HPS3: variants seen among roughly 807,000 people sequenced by gnomAD.
HPS3 encodes BLOC-2 complex member HPS3.
In HPS3, 79 loss-of-function variants were observed where a neutral mutation model predicts 110.9. The observed-to-expected ratio is 0.71, with a 90% CI of 0.59 to 0.86. The LOEUF (loss-of-function observed/expected upper bound fraction) is 0.86. Among genes scored for constraint, HPS3 ranks in the 40% least tolerant of loss-of-function variants. The pLI is 0.00. For synonymous variants in HPS3, 428 were observed against 451.0 expected, an observed-to-expected ratio of 0.95 and a Z score of 0.65; for missense variants, 1,197 against 1,206.2, an observed-to-expected ratio of 0.99 and a Z score of 0.11.
intron 5 of HPS3, among the ~76,000 whole-genome samples, chr3:149,149,098 C>T (rs12488473): frequency 0.27 from 40,801 of 150,064 alleles, 6,147 homozygotes; most frequent in African/African-American, 0.42. Flanking sequence ...AGACTACAGG[C>T]GCCCACCACC....
In HPS3 at chr3:149,140,099, T is replaced by G. The variant is rs139678546; in HGVS notation, c.313T>G (p.Cys105Gly). Reference sequence around the variant, plus strand: ...TAAAAGGACTGAAAACTCTCGTGTGTGTATCCGAATGATTGGGCATAATGT... The same window carrying G: ...TAAAAGGACTGAAAACTCTCGTGTGGGTATCCGAATGATTGGGCATAATGT... Reference protein sequence around the residue: ...RNKRTENSRVCIRMIGHNVEG... With the variant: ...RNKRTENSRVGIRMIGHNVEG... The change falls in exon 2 of 17, where the codon TGT becomes GGT. Residue 105 changes from cysteine (C) to glycine (G), a missense_variant. By Grantham distance (159) the Cys-to-Gly change is radical. Coordinates refer to ENST00000296051, the MANE Select transcript of HPS3 (RefSeq NM_032383.5). The G allele has an allele frequency of 1.2e-5, 19 of 1,613,182 alleles. No individual in the cohort carries two copies. Among genetic ancestry groups the G allele is most frequent in the African/African-American group, 4.0e-5 (3 of 74,854 alleles).
At chr3:149,141,519 G>GTTTTTTTTTT in intron 4 of HPS3, 139 bp downstream of exon 4, 1 of 392,312 alleles carries the variant, frequency 2.5e-6, no homozygotes, top group South Asian at 2.9e-5. Context: ...CTTTAACAAA[G>GTTTTTTTTTT]TTTTTTTTTT....
intron 1 of HPS3, among the ~76,000 whole-genome samples, chr3:149,135,357 C>T (rs973701923): frequency 3.3e-5 from 5 of 152,092 alleles, no homozygotes; most frequent in African/African-American, 9.7e-5. Context: ...ATAACCCCCA[C>T]GTGTCAAGGG....
rs1723945036 is a variant in HPS3, at chr3:149,162,340, C to T, written c.2292+7C>T. ...AGCAGATTCCTTTTTTAAGGTTTGT[C>T]ACTTTGAAAATGTGATTTTTCTGGA... On this transcript the variant is annotated splice_region_variant and intron_variant, in intron 12 of 16. Transcript: ENST00000296051. The T allele has an allele frequency of 6.2e-7, 1 of 1,612,828 alleles. No individual in the cohort carries two copies. Among genetic ancestry groups the T allele is most frequent in the Non-Finnish European group, 8.5e-7 (1 of 1,179,096 alleles).
intron 6 of HPS3, among the ~76,000 whole-genome samples, chr3:149,152,828 G>C (rs925162437): frequency 2.0e-5 from 3 of 152,198 alleles, no homozygotes; most frequent in African/African-American, 7.2e-5. Context: ...CCAGAATAGA[G>C]CTCTTCCATT....
At chr3:149,130,356 A>C in intron 1 of HPS3, 1 of 189,540 alleles carries the variant, frequency 5.3e-6, no homozygotes, top group Non-Finnish European at 1.1e-5. Context: ...CAGCTTTAAC[A>C]ATTATTCCAA....
At chr3:149,153,769 G>A in intron 7 of HPS3, 121 bp downstream of exon 7, 1 of 998,312 alleles carries the variant, frequency 1.0e-6, no homozygotes, top group Admixed American at 1.9e-5. Flanking sequence ...TTTTTATGGT[G>A]GTCTTTTTCC....
intron 14 of HPS3, 44 bp downstream of exon 14, chr3:149,163,993 A>G (rs547880587): frequency 4.1e-6 from 4 of 977,216 alleles, no homozygotes; most frequent in Admixed American, 1.8e-5. Flanking sequence ...GCATATTACA[A>G]TATAGTGTAA....
intron 1 of HPS3, among the ~76,000 whole-genome samples, chr3:149,135,203 G>T (rs1722015868): frequency 6.6e-6 from 1 of 152,124 alleles, no homozygotes; most frequent in Admixed American, 6.5e-5. Flanking sequence ...AAAATTTGGG[G>T]GTATTAGGGA....
intron 1 of HPS3, among the ~76,000 whole-genome samples, chr3:149,137,489 T>C (rs1408447980): frequency 6.6e-6 from 1 of 152,180 alleles, no homozygotes; most frequent in Non-Finnish European, 1.5e-5. Flanking sequence ...CCCAAAATAA[T>C]TGAAAGCAGG....
intron 1 of HPS3, chr3:149,130,524 G>GT (rs1721700217): frequency 6.5e-6 from 1 of 154,252 alleles, no homozygotes. Flanking sequence ...GCTCACGCCT[G>GT]TAATCCCAAC....
In HPS3 at chr3:149,141,200, C is replaced by CCTTT. The variant is rs111598115; in HGVS notation, c.884+12_884+13insCTTT. On this transcript the variant is annotated intron_variant, in intron 3 of 16. Coordinates refer to ENST00000296051, the MANE Select transcript of HPS3 (RefSeq NM_032383.5). ...CACCTGCTCTATAGGTATTATAGTG[C>CCTTT]TTTTTTTTTTTTTACCAGCATTTTA... The CCTTT allele has an allele frequency of 3.9e-6, 6 of 1,526,350 alleles. No individual in the cohort carries two copies. The Admixed American group carries it at 5.4e-5, about 14-fold the overall frequency. The allele number at this position is 1,526,350 out of a possible 1,614,324, so 94.6% of individuals were successfully genotyped here. A position where few individuals can be genotyped will look rare whatever the true frequency, so the allele number is the denominator to read the frequency against.
At chr3:149,168,910 A>T (rs532324082) in intron 16 of HPS3, among the ~76,000 whole-genome samples, 9 of 147,190 alleles carry the variant, frequency 6.1e-5, no homozygotes, top group African/African-American at 1.9e-4. Context: ...CATCATCATT[A>T]TCTTAATCAG....
At chr3:149,132,555 T>C (rs190717563) in intron 1 of HPS3, among the ~76,000 whole-genome samples, 1 of 152,236 alleles carries the variant, frequency 6.6e-6, no homozygotes, top group African/African-American at 2.4e-5. Context: ...ACAATGCACC[T>C]AGTCCCTCAA....
At position 149,150,767 on chromosome 3, in the gene HPS3, A is replaced by G. The variant is rs76471402; in HGVS notation, c.1245+87A>G. On this transcript the variant is annotated intron_variant, in intron 6 of 16. Coordinates refer to ENST00000296051, the MANE Select transcript of HPS3 (RefSeq NM_032383.5). ...GTAGATTTGCTCTCAGACCTAAGCT[A>G]GGCAAGAACAAAAGAGCTTAAGGTT... The G allele has an allele frequency of 0.018, 18,425 of 1,035,670 alleles. 220 individuals are homozygous for G. Among genetic ancestry groups the G allele is most frequent in the Non-Finnish European group, 0.024 (15,407 of 653,256 alleles). 64.2% of individuals were successfully genotyped at this position (1,035,670 alleles called of 1,614,324 possible).
At chr3:149,163,614 G>A (rs1724110283) in intron 13 of HPS3, among the ~76,000 whole-genome samples, 1 of 152,094 alleles carries the variant, frequency 6.6e-6, no homozygotes, top group South Asian at 2.1e-4. Context: ...GTGCCTCTTT[G>A]GAGTATTTAC....
Position 149,139,986 on chromosome 3 carries a change from A to G in HPS3, c.218-18A>G. On this transcript the variant is annotated intron_variant, in intron 1 of 16. Coordinates refer to ENST00000296051, the MANE Select transcript of HPS3 (RefSeq NM_032383.5). The stretch of plus-strand genomic sequence containing the variant: ...TTTCTAATTACAAATTCTCAGTATA[A>G]TCTTCATTCCTTCTCAGGAGATTAT... 2 of 1,608,862 alleles carry G rather than the reference A, an allele frequency of 1.2e-6. No homozygotes were observed. The highest frequency in any genetic ancestry group is 2.2e-5 in the East Asian group (1 of 44,840).
At position 149,158,744 on chromosome 3, in the gene HPS3, C is replaced by T. The variant is rs1399978866; in HGVS notation, c.1770C>T (p.Arg590=). Residue 590 remains arginine, a synonymous_variant, in exon 10 of 17, where the codon CGC becomes CGT. Coordinates refer to ENST00000296051, the MANE Select transcript of HPS3 (RefSeq NM_032383.5). ...TGTCTATGGCTGAAGTTCTGGCCCG[C>T]ACGGACTGGACAGTAGAGGATGGAT... ...SGLSMAEVLA[R]TDWTVEDGLQ... 6 of 1,612,546 alleles carry T rather than the reference C, an allele frequency of 3.7e-6. No individual in the cohort carries two copies. Among genetic ancestry groups the T allele is most frequent in the Admixed American group, 3.3e-5 (2 of 59,956 alleles).
chr3:149,146,723 G>A (rs545380553), intron 5 of HPS3, among the ~76,000 whole-genome samples: 4 of 152,304 alleles, frequency 2.6e-5, no homozygotes, highest in African/African-American at 9.6e-5. Flanking sequence ...TGATGGCAGT[G>A]TGTTTCTTAA....
Sources: gnomAD v4.1 joint callset for allele counts (sites outside exome capture counted in the v4.1 genomes callset) on GRCh38, gnomAD v4.1.1 for gene constraint, MANE v1.5 for transcripts, NCBI Gene and HGNC (gene_info 2026-07-23, HGNC 2026-07-21) for gene names.